Variants in SPRY3 observed in about 807,000 individuals in gnomAD.
The protein encoded by SPRY3 is sprouty RTK signaling antagonist 3, also known as protein sprouty homolog 3.
In SPRY3, 15 loss-of-function variants were observed where a neutral mutation model predicts 20.2. The observed-to-expected ratio is 0.74, with a 90% CI of 0.50 to 1.14. SPRY3 has a LOEUF of 1.14. Among genes scored for constraint, SPRY3 ranks in the 50% most tolerant of loss-of-function variants. SPRY3 has a pLI of 0.00. For missense variants in SPRY3, 364 were observed against 363.9 expected, an observed-to-expected ratio of 1.00 and a Z score of 0.00; for synonymous variants, 143 against 136.5, an observed-to-expected ratio of 1.05 and a Z score of -0.33.
chrX:155,737,569 C>T (rs1488736542), intron 2 of SPRY3, among the ~76,000 whole-genome samples: 1 of 151,774 alleles, frequency 6.6e-6, no homozygotes, highest in Non-Finnish European at 1.5e-5. Flanking sequence ...CAAGGTGAGA[C>T]CTAAAGGATA....
intron 2 of SPRY3, among the ~76,000 whole-genome samples, chrX:155,744,163 A>G (rs889619414): frequency 6.6e-6 from 1 of 152,070 alleles, no homozygotes; most frequent in African/African-American, 2.4e-5. Context: ...GATGTTTGGG[A>G]AAACATGTAA....
chrX:155,759,364 A>G (rs1305880890), intron 2 of SPRY3, among the ~76,000 whole-genome samples: 2 of 152,088 alleles, frequency 1.3e-5, no homozygotes, highest in Non-Finnish European at 1.5e-5. Context: ...TAAGCATTTT[A>G]TAATCTCCTC....
exon 4 of SPRY3, chrX:155,776,370 T>C (rs1018391202): frequency 4.2e-5 from 7 of 167,138 alleles, no homozygotes; most frequent in African/African-American, 1.4e-4. Context: ...TTGTCTGCAA[T>C]GGCAGCTGCC....
chrX:155,714,854 A>C lies in SPRY3; in HGVS notation c.-281-53108A>C, dbSNP rs779093087. Among the ~76,000 whole-genome samples, 249 of 152,194 alleles carry C rather than the reference A, an allele frequency of 1.6e-3. 1 individual carries two copies. Among genetic ancestry groups the C allele is most frequent in the African/African-American group, 5.9e-3 (245 of 41,544 alleles). ...AGCAGAGGAGCCTCTCTCTGTGGCC[A>C]CCAACACCACCAGTCCACGGGGGAT... On this transcript the variant is annotated intron_variant, in intron 2 of 3. Transcript: ENST00000675360.
intron 2 of SPRY3, among the ~76,000 whole-genome samples, chrX:155,718,789 G>A (rs1254160125): frequency 2.0e-5 from 3 of 152,034 alleles, no homozygotes; most frequent in East Asian, 3.8e-4. Context: ...AATTGAGATA[G>A]GAAAGGCTTT....
intron 1 of SPRY3, among the ~76,000 whole-genome samples, chrX:155,633,635 C>T (rs1418199794): frequency 1.8e-5 from 2 of 111,227 alleles, no homozygotes; most frequent in African/African-American, 6.5e-5. Context: ...CACATTATTA[C>T]ACTGGTTCAC....
intron 2 of SPRY3, among the ~76,000 whole-genome samples, chrX:155,711,249 G>A (rs1320089465): frequency 6.6e-6 from 1 of 151,606 alleles, no homozygotes; most frequent in Non-Finnish European, 1.5e-5. Context: ...TTCTTTGAAT[G>A]TTTGGTAGAA....
At chrX:155,699,656 T>C (rs1330978984) in intron 2 of SPRY3, among the ~76,000 whole-genome samples, 1 of 111,242 alleles carries the variant, frequency 9.0e-6, no homozygotes, top group Non-Finnish European at 1.9e-5. Flanking sequence ...CATTATGGCA[T>C]TGATGAACAC....
At chrX:155,776,184 G>A (rs747805254) in exon 4 of SPRY3, 12 of 167,224 alleles carry the variant, frequency 7.2e-5, no homozygotes, top group African/African-American at 2.9e-4. Context: ...CCAGTGCATG[G>A]TGGGTAGCTA....
At chrX:155,742,337 A>G (rs1166369051) in intron 2 of SPRY3, among the ~76,000 whole-genome samples, 1 of 152,214 alleles carries the variant, frequency 6.6e-6, no homozygotes, top group Non-Finnish European at 1.5e-5. Context: ...ACCCAGATTC[A>G]TAAAGCAAGT....
chrX:155,720,522 G>A (rs1239218991), intron 2 of SPRY3, among the ~76,000 whole-genome samples: 1 of 152,172 alleles, frequency 6.6e-6, no homozygotes, highest in Non-Finnish European at 1.5e-5. Context: ...CTTCAGGTCT[G>A]ACCCAGTGCA....
At chrX:155,752,717 A>G (rs778127041) in intron 2 of SPRY3, among the ~76,000 whole-genome samples, 1 of 151,976 alleles carries the variant, frequency 6.6e-6, no homozygotes, top group Non-Finnish European at 1.5e-5. Flanking sequence ...TTTACTTCTC[A>G]GATAGAAAAA....
chrX:155,759,012 T>A (rs1005320874), intron 2 of SPRY3, among the ~76,000 whole-genome samples: 1 of 152,114 alleles, frequency 6.6e-6, no homozygotes, highest in African/African-American at 2.4e-5. Context: ...CATGTTGTTT[T>A]GACATCTTTA....
At chrX:155,736,924 T>A (rs1466388304) in intron 2 of SPRY3, among the ~76,000 whole-genome samples, 1 of 152,128 alleles carries the variant, frequency 6.6e-6, no homozygotes, top group Admixed American at 6.5e-5. Flanking sequence ...AAGCTAATAT[T>A]GCCATATCTT....
chrX:155,721,916 A>G (rs902452582), intron 2 of SPRY3, among the ~76,000 whole-genome samples: 1 of 152,162 alleles, frequency 6.6e-6, no homozygotes. Context: ...ACAGAATATT[A>G]TAACACTGTA....
chrX:155,629,357 T>C (rs2067898879), intron 1 of SPRY3, among the ~76,000 whole-genome samples: 1 of 110,997 alleles, frequency 9.0e-6, no homozygotes, highest in African/African-American at 3.3e-5. Context: ...TATGGCTGCA[T>C]AGTATTCCAT....
intron 2 of SPRY3, chrX:155,767,724 G>GGAGGAGGAGGAGGAGAGA (rs2091346171): frequency 2.0e-5 from 2 of 99,308 alleles, no homozygotes; most frequent in Non-Finnish European, 3.7e-5. Context: ...AGGAGAAAGA[G>GGAGGAGGAGGAGGAGAGA]GAGGAGGAGG....
chrX:155,774,904 G>A (rs1231480060), exon 4 of SPRY3: 9 of 749,426 alleles, frequency 1.2e-5, no homozygotes, highest in Admixed American at 8.7e-5. Flanking sequence ...GGTGCAGGAT[G>A]CCTTGTTCTT....
intron 2 of SPRY3, among the ~76,000 whole-genome samples, chrX:155,674,710 CT>C (rs1195954358): frequency 2.6e-3 from 285 of 109,330 alleles, no homozygotes; most frequent in African/African-American, 8.8e-3. Context: ...TCCTCAAAGT[CT>C]TTTTTTTTCA....
Sources: allele counts gnomAD v4.1 joint callset (sites outside exome capture counted in the v4.1 genomes callset), GRCh38; gene constraint gnomAD v4.1.1; transcripts MANE v1.5; gene names NCBI Gene and HGNC (gene_info 2026-07-23, HGNC 2026-07-21).